DACH1: variants seen among roughly 807,000 people sequenced by gnomAD.
DACH1 encodes dachshund family transcription factor 1, also known as dachshund homolog 1.
Under a neutral mutation model 54.2 loss-of-function variants are expected in DACH1, and 12 were observed. The ratio of observed to expected loss-of-function variants is 0.22; its 90% CI spans 0.14 to 0.36. DACH1 has a LOEUF of 0.36. Among genes scored for constraint, DACH1 ranks in the 10% least tolerant of loss-of-function variants. The pLI is 1.00. For synonymous variants in DACH1, 386 were observed against 366.2 expected (o/e 1.05, Z -0.62); for missense variants, 805 against 929.8 (o/e 0.87, Z 1.75).
chr13:71,493,025 GA>G (rs1879117976), intron 6 of DACH1, among the ~76,000 whole-genome samples: 1 of 150,044 alleles, frequency 6.7e-6, no homozygotes, highest in African/African-American at 2.4e-5. Context: ...TGTTCTTAAT[GA>G]GTTTTTTTTT....
At chr13:71,724,562 C>G (rs1883385789) in intron 1 of DACH1, among the ~76,000 whole-genome samples, 2 of 152,204 alleles carry the variant, frequency 1.3e-5, no homozygotes, top group South Asian at 4.1e-4. Context: ...TATGATACAA[C>G]TATACCATAT....
intron 1 of DACH1, among the ~76,000 whole-genome samples, chr13:71,848,389 C>T (rs1873432382): frequency 6.6e-6 from 1 of 152,024 alleles, no homozygotes; most frequent in South Asian, 2.1e-4. Context: ...TTCACAACTT[C>T]CTTTAGATTG....
intron 6 of DACH1, among the ~76,000 whole-genome samples, chr13:71,518,740 C>A (rs7323935): frequency 0.93 from 140,883 of 151,778 alleles, 66,325 homozygotes; most frequent in East Asian, 1. Flanking sequence ...CTGAAATAAA[C>A]TATTTTGGAA....
chr13:71,486,311 T>C (rs1035389384), intron 7 of DACH1, among the ~76,000 whole-genome samples: 1 of 152,136 alleles, frequency 6.6e-6, no homozygotes, highest in African/African-American at 2.4e-5. Context: ...TGTACCATTT[T>C]GGCATAGAAA....
intron 3 of DACH1, among the ~76,000 whole-genome samples, chr13:71,620,056 C>T (rs1395680636): frequency 6.6e-6 from 1 of 151,862 alleles, no homozygotes; most frequent in Non-Finnish European, 1.5e-5. Flanking sequence ...AAATAATTTA[C>T]AAACTAATTT....
At chr13:71,759,009 C>G (rs891637010) in intron 1 of DACH1, among the ~76,000 whole-genome samples, 1 of 151,698 alleles carries the variant, frequency 6.6e-6, no homozygotes, top group South Asian at 2.1e-4. Context: ...AAGCACAAAG[C>G]AGGGAGCATG....
chr13:71,489,013 A>G lies in DACH1; in HGVS notation c.1706T>C (p.Leu569Pro). ...AAGGCCTACCTGTATGTTAGTCAGA[A>G]GAGTCTCGATGGAAGACAGTCCATC... ...FPDGLSSIET[L>P]LTNIQGLLKV... The change falls in exon 7 of 11, where the codon CTT (leucine) becomes CCT (proline). Residue 569 changes from leucine (L) to proline (P), a missense_variant. Physicochemically the swap from Leu to Pro is moderately conservative, Grantham distance 98. Around this residue, in one of 3 missense-constraint regions of DACH1, gnomAD observed 472 missense variants for 545.3 expected, o/e 0.87. Coordinates refer to ENST00000613252, the MANE Select transcript of DACH1 (RefSeq NM_080759.6). 2 of 1,613,702 alleles carry G rather than the reference A, an allele frequency of 1.2e-6. No homozygotes were observed. Among genetic ancestry groups the G allele is most frequent in the South Asian group, 1.1e-5 (1 of 91,048 alleles).
chr13:71,747,943 T>C (rs1484422342), intron 1 of DACH1, among the ~76,000 whole-genome samples: 1 of 152,150 alleles, frequency 6.6e-6, no homozygotes, highest in African/African-American at 2.4e-5. Flanking sequence ...GCCCAGTTTG[T>C]GCATGAACTT....
chr13:71,696,235 A>AT (rs979574442), intron 1 of DACH1, among the ~76,000 whole-genome samples: 5 of 152,214 alleles, frequency 3.3e-5, no homozygotes, highest in Admixed American at 3.3e-4. Context: ...TTAAGAAATC[A>AT]TGAGATCTAA....
At chr13:71,614,451 G>A (rs1203195284) in intron 3 of DACH1, among the ~76,000 whole-genome samples, 3 of 151,534 alleles carry the variant, frequency 2.0e-5, no homozygotes, top group African/African-American at 7.3e-5. Context: ...GCACATGGAG[G>A]AAAAAAAACC....
intron 3 of DACH1, among the ~76,000 whole-genome samples, chr13:71,601,977 A>G (rs1323441070): frequency 2.0e-5 from 3 of 151,998 alleles, no homozygotes. Flanking sequence ...AACAGTTACA[A>G]ATTTAATAAA....
intron 10 of DACH1, among the ~76,000 whole-genome samples, chr13:71,469,309 A>C (rs1226093421): frequency 6.6e-6 from 1 of 152,166 alleles, no homozygotes. Flanking sequence ...AAATGAAAGA[A>C]AATGTATTAC....
intron 10 of DACH1, among the ~76,000 whole-genome samples, chr13:71,460,987 T>C (rs1876019282): frequency 6.6e-6 from 1 of 152,050 alleles, no homozygotes; most frequent in Admixed American, 6.6e-5. Flanking sequence ...TTTTCTGTAA[T>C]TGAGACTTTG....
At chr13:71,644,513 C>T (rs1181018238) in intron 2 of DACH1, among the ~76,000 whole-genome samples, 1 of 152,154 alleles carries the variant, frequency 6.6e-6, no homozygotes, top group East Asian at 1.9e-4. Context: ...CTGTCACCAA[C>T]AGAGTTCATA....
intron 2 of DACH1, chr13:71,675,308 A>G: frequency 6.2e-7 from 1 of 1,602,186 alleles, no homozygotes; most frequent in Admixed American, 1.7e-5. Context: ...TTTAAAACAG[A>G]TCTGCGCTTC....
At position 71,734,014 on chromosome 13, in the gene DACH1, A is replaced by T. The variant is rs184453940; in HGVS notation, c.849-52104T>A. 1.6e-4 allele frequency among the ~76,000 whole-genome samples: 25 copies of T among 151,930 alleles called. No homozygotes were observed. The East Asian group carries it at 4.6e-3, about 28-fold the overall frequency. ...CACTGAGCTGAGATTGCACCACTGCACTCCAGCCTGAGTGGCAGAGCAACA... is the reference window on the plus strand; with the variant it reads ...CACTGAGCTGAGATTGCACCACTGCTCTCCAGCCTGAGTGGCAGAGCAACA... On this transcript the variant is annotated intron_variant, in intron 1 of 10. Coordinates refer to ENST00000613252, the MANE Select transcript of DACH1 (RefSeq NM_080759.6).
At chr13:71,493,066 TG>T (rs1393885784) in intron 6 of DACH1, among the ~76,000 whole-genome samples, 4 of 151,586 alleles carry the variant, frequency 2.6e-5, no homozygotes, top group Non-Finnish European at 4.4e-5. Flanking sequence ...AAGCACGAAG[TG>T]GCCTCTAAGA....
intron 10 of DACH1, among the ~76,000 whole-genome samples, chr13:71,457,932 CTCA>C (rs1166760899): frequency 1.3e-5 from 2 of 151,868 alleles, no homozygotes; most frequent in African/African-American, 4.8e-5. Flanking sequence ...GTAAGCCAAA[CTCA>C]TCATCATCTA....
At chr13:71,502,670 C>A (rs961554044) in intron 6 of DACH1, among the ~76,000 whole-genome samples, 2 of 152,326 alleles carry the variant, frequency 1.3e-5, no homozygotes, top group East Asian at 1.9e-4. Context: ...GATAATGCAA[C>A]AAATTATCTT....
Sources: allele counts gnomAD v4.1 joint callset (sites outside exome capture counted in the v4.1 genomes callset), GRCh38; gene constraint gnomAD v4.1.1; regional missense constraint gnomAD v4.1.1; transcripts MANE v1.5; gene names NCBI Gene and HGNC (gene_info 2026-07-23, HGNC 2026-07-21).